IPO5: variants seen among roughly 807,000 people sequenced by gnomAD.
The protein encoded by IPO5 is importin 5.
Under a neutral mutation model 143.3 loss-of-function variants are expected in IPO5, and 18 were observed. The ratio of observed to expected loss-of-function variants is 0.13; its 90% confidence interval spans 0.09 to 0.19. The LOEUF is 0.19. IPO5 is among the 10% of genes least tolerant of loss of function. The probability of loss-of-function intolerance (pLI) is 1.00; values close to 1 mark genes in which losing one functional copy is unlikely to be tolerated. For synonymous variants in IPO5, 477 were observed against 465.7 expected (o/e 1.02, Z -0.31); for missense variants, 1,013 against 1,336.9 (o/e 0.76, Z 3.78).
At chr13:97,959,626 T>C (rs976138596) in intron 2 of IPO5, among the ~76,000 whole-genome samples, 1 of 151,668 alleles carries the variant, frequency 6.6e-6, no homozygotes, top group African/African-American at 2.4e-5. Flanking sequence ...CCCAGCTACT[T>C]AGGAGGCTGA....
At chr13:97,979,432 G>C (rs2139621484) in intron 4 of IPO5, among the ~76,000 whole-genome samples, 1 of 152,194 alleles carries the variant, frequency 6.6e-6, no homozygotes, top group African/African-American at 2.4e-5. Flanking sequence ...AAATCTGTAA[G>C]GATATTTCTC....
chr13:97,980,322 CCT>C (rs1886733311), intron 4 of IPO5, among the ~76,000 whole-genome samples: 2 of 152,072 alleles, frequency 1.3e-5, no homozygotes, highest in Non-Finnish European at 2.9e-5. Context: ...TGGAGAGAAC[CCT>C]CTCTCAACAG....
At chr13:97,992,538 G>A (rs930324621) in intron 9 of IPO5, among the ~76,000 whole-genome samples, 5 of 152,260 alleles carry the variant, frequency 3.3e-5, no homozygotes, top group South Asian at 2.1e-4. Context: ...CAGCCTGGGC[G>A]ACAGAGCGAG....
intron 3 of IPO5, 156 bp from the exon 4 acceptor site, chr13:97,976,537 T>A: frequency 1.7e-5 from 2 of 115,468 alleles, no homozygotes; most frequent in Non-Finnish European, 3.6e-5. Flanking sequence ...CGTCCTCCCC[T>A]TTCCCCTTTG....
At position 98,000,632 on chromosome 13, in the gene IPO5, A is replaced by G; in HGVS notation, c.1095A>G (p.Gln365=). Residue 365 remains glutamine, a synonymous_variant, in exon 13 of 29, where the codon CAA becomes CAG. Coordinates refer to ENST00000651721, the MANE Select transcript of IPO5 (RefSeq NM_002271.6). ...CGATGATCAAGGAACACATTATGCA[A>G]ATGCTTCAAAATCGTAAGCTGTGTC... ...VLPMIKEHIM[Q]MLQNPDWKYR... is the part of the protein sequence containing the mutation. The G allele has an allele frequency of 6.2e-7, 1 of 1,612,638 alleles. No individual in the cohort carries two copies. The highest frequency in any genetic ancestry group is 8.5e-7 in the Non-Finnish European group (1 of 1,178,626).
At chr13:97,958,340 G>T (rs1337175827) in intron 2 of IPO5, among the ~76,000 whole-genome samples, 1 of 152,054 alleles carries the variant, frequency 6.6e-6, no homozygotes, top group Non-Finnish European at 1.5e-5. Context: ...CTTCTCTCCA[G>T]ACCTTACCCC....
At chr13:97,960,050 A>G (rs1253829826) in intron 2 of IPO5, 2 of 152,204 alleles carry the variant, frequency 1.3e-5, no homozygotes, top group Non-Finnish European at 2.9e-5. Context: ...AGTACTACAC[A>G]TAGGATGCAT....
chr13:98,002,845 AT>A lies in IPO5; in HGVS notation c.1324-16del, dbSNP rs1276372463. The A allele has an allele frequency of 6.2e-7, 1 of 1,605,914 alleles. No homozygotes were observed. Among genetic ancestry groups the A allele is most frequent in the Non-Finnish European group, 8.5e-7 (1 of 1,176,236 alleles). Reference sequence around the variant, plus strand: ...GGTGGACATTTCAACATGTGTGCCCATTTGGTTTCATTTCACAGGTGATTGC... The same window carrying A: ...GGTGGACATTTCAACATGTGTGCCCATTGGTTTCATTTCACAGGTGATTGC... On this transcript the variant is annotated intron_variant, in intron 15 of 28. Transcript: ENST00000651721.
At chr13:98,006,979 C>T (rs1286470811) in intron 17 of IPO5, among the ~76,000 whole-genome samples, 3 of 150,834 alleles carry the variant, frequency 2.0e-5, no homozygotes, top group Admixed American at 1.3e-4. Flanking sequence ...GATTCTCCTG[C>T]GTCAGCCTCC....
At chr13:98,006,097 C>T (rs1889216307) in intron 16 of IPO5, 33 bp from the exon 17 acceptor site, 3 of 1,403,378 alleles carry the variant, frequency 2.1e-6, no homozygotes, top group South Asian at 1.2e-5. Context: ...TTCCAGTTTT[C>T]CTTTGAGGTA....
chr13:97,990,243 TA>T (rs1315401523), intron 8 of IPO5, 21 bp downstream of exon 8: 1 of 1,472,470 alleles, frequency 6.8e-7, no homozygotes, highest in Non-Finnish European at 9.5e-7. Context: ...TCAATCCTAT[TA>T]ATATAACCAT....
chr13:98,016,916 T>TA (rs1463454268), intron 25 of IPO5, 65 bp downstream of exon 25: 1 of 1,201,514 alleles, frequency 8.3e-7, no homozygotes, highest in African/African-American at 1.6e-5. Context: ...CACTGCAACG[T>TA]AAAATCTAAT....
chr13:97,974,344 T>A (rs1283378843), intron 3 of IPO5, among the ~76,000 whole-genome samples: 1 of 151,072 alleles, frequency 6.6e-6, no homozygotes, highest in Non-Finnish European at 1.5e-5. Context: ...TCTTGCTCTA[T>A]CACCCAGGCT....
intron 3 of IPO5, chr13:97,975,610 C>A (rs1192837266): frequency 6.6e-6 from 1 of 152,218 alleles, no homozygotes; most frequent in Admixed American, 6.5e-5. Flanking sequence ...GTATTATCTG[C>A]GCATTAGAAT....
chr13:98,000,641 A>G lies in IPO5; in HGVS notation c.1104A>G (p.Gln368=), dbSNP rs376876962. Residue 368 remains glutamine, a synonymous_variant, in exon 13 of 29, where the codon CAA becomes CAG. Transcript: ENST00000651721. ...AGGAACACATTATGCAAATGCTTCA[A>G]AATCGTAAGCTGTGTCCTTCAAATG... is the stretch of plus-strand genomic sequence containing the variant. ...MIKEHIMQML[Q]NPDWKYRHAG... 8.7e-6 allele frequency: 14 copies of G among 1,609,604 alleles called. No homozygotes were observed. The highest frequency in any genetic ancestry group is 2.7e-5 in the African/African-American group (2 of 74,852).
intron 17 of IPO5, 61 bp downstream of exon 17, chr13:98,006,409 C>G: frequency 9.9e-7 from 1 of 1,007,482 alleles, no homozygotes; most frequent in Admixed American, 3.2e-5. Context: ...GAGTCTCGCT[C>G]TGTCACCCAG....
At chr13:97,954,715 A>G (rs971309411) in intron 2 of IPO5, among the ~76,000 whole-genome samples, 1 of 152,220 alleles carries the variant, frequency 6.6e-6, no homozygotes, top group African/African-American at 2.4e-5. Context: ...GCTCATTGTC[A>G]TCTTATAAAG....
At chr13:98,013,188 T>A (rs1889855265) in intron 21 of IPO5, among the ~76,000 whole-genome samples, 1 of 152,190 alleles carries the variant, frequency 6.6e-6, no homozygotes, top group Non-Finnish European at 1.5e-5. Context: ...CCTGAGCAGC[T>A]GGGATCACAG....
intron 18 of IPO5, among the ~76,000 whole-genome samples, chr13:98,008,698 C>T (rs1289245884): frequency 2.0e-5 from 3 of 152,156 alleles, no homozygotes; most frequent in Admixed American, 6.5e-5. Context: ...ACCCAGCTAA[C>T]GCTTGCTCAC....
Sources: allele counts gnomAD v4.1 joint callset (sites outside exome capture counted in the v4.1 genomes callset), GRCh38; gene constraint gnomAD v4.1.1; transcripts MANE v1.5; gene names NCBI Gene and HGNC (gene_info 2026-07-23, HGNC 2026-07-21).